Variants in PRKRIP1 observed in about 807,000 individuals in gnomAD.
PRKRIP1 encodes the protein PRKR-interacting protein 1.
A neutral mutation model predicts 29.3 loss-of-function variants in PRKRIP1; 29 were observed. The observed-to-expected ratio is 0.99, with a 90% CI of 0.74 to 1.35. The LOEUF (loss-of-function observed/expected upper bound fraction) is 1.35. Among genes scored for constraint, PRKRIP1 ranks in the 40% most tolerant of loss-of-function variants. PRKRIP1 has a pLI of 0.00. For synonymous variants in PRKRIP1, 90 were observed against 85.1 expected (o/e 1.06, Z -0.32); for missense variants, 247 against 236.8 (o/e 1.04, Z -0.28).
Position 102,425,187 on chromosome 7 carries a change from T to A in PRKRIP1, c.*76T>A. The A allele has an allele frequency of 1.3e-6, 2 of 1,543,700 alleles. No homozygotes were observed. The highest frequency in any genetic ancestry group is 1.7e-6 in the Non-Finnish European group (2 of 1,149,806). ...AGGGAAAGGCGGCTGTTTGGCTCTT[T>A]CTCCCCCGCAAGGACCCGCTGACCC... is the stretch of plus-strand genomic sequence containing the variant. On this transcript the variant is annotated 3_prime_UTR_variant, in exon 6 of 6. Transcript: ENST00000397912.
intron 2 of PRKRIP1, among the ~76,000 whole-genome samples, chr7:102,398,429 C>A (rs1357336007): frequency 6.6e-6 from 1 of 151,974 alleles, no homozygotes; most frequent in African/African-American, 2.4e-5. Flanking sequence ...GGACTACAGG[C>A]CCGTGCCACC....
chr7:102,421,668 A>G (rs1796697030), intron 5 of PRKRIP1, among the ~76,000 whole-genome samples: 1 of 152,088 alleles, frequency 6.6e-6, no homozygotes, highest in Non-Finnish European at 1.5e-5. Context: ...GTAGTGTCAC[A>G]CACCTGTAGT....
intron 5 of PRKRIP1, among the ~76,000 whole-genome samples, chr7:102,420,195 A>G (rs1302817622): frequency 2.0e-5 from 3 of 152,056 alleles, no homozygotes; most frequent in African/African-American, 7.2e-5. Flanking sequence ...CTTGTGTGCT[A>G]GTTTTTGTGT....
chr7:102,405,838 A>G (rs1288233320), intron 4 of PRKRIP1: 5 of 290,488 alleles, frequency 1.7e-5, no homozygotes, highest in African/African-American at 1.1e-4. Context: ...AACCATTACA[A>G]TCAACACATT....
chr7:102,421,103 C>T (rs1554573680), intron 5 of PRKRIP1, among the ~76,000 whole-genome samples: 1 of 152,116 alleles, frequency 6.6e-6, no homozygotes, highest in African/African-American at 2.4e-5. Context: ...CTGCAGATCC[C>T]CTGTGGGTAA....
At position 102,426,023 on chromosome 7, in the gene PRKRIP1, G is replaced by A. The variant is rs1554574407; in HGVS notation, c.*912G>A. On this transcript the variant is annotated 3_prime_UTR_variant, in exon 6 of 6. Transcript: ENST00000397912. Reference sequence around the variant, plus strand: ...GCTCACAGCAGTTGGGGCCAGCGGGGAGAAGAGAGGCGGAACTGCTGTGTC... The same window carrying A: ...GCTCACAGCAGTTGGGGCCAGCGGGAAGAAGAGAGGCGGAACTGCTGTGTC... 6.5e-6 allele frequency: 1 copy of A among 153,104 alleles called. No individual in the cohort carries two copies. The highest frequency in any genetic ancestry group is 1.5e-5 in the Non-Finnish European group (1 of 68,292). The allele number at this position is 153,104 out of a possible 1,614,324, so 9.5% of individuals were successfully genotyped here. A position where few individuals can be genotyped will look rare whatever the true frequency, so the allele number is the denominator to read the frequency against.
chr7:102,398,876 T>G (rs1554570814), intron 2 of PRKRIP1, among the ~76,000 whole-genome samples: 1 of 152,194 alleles, frequency 6.6e-6, no homozygotes, highest in Admixed American at 6.5e-5. Flanking sequence ...GTGCCTGTAA[T>G]CCCAGCACTT....
In PRKRIP1 at chr7:102,396,479, TC is replaced by T; in HGVS notation, c.72del (p.Lys25ArgfsTer15). ...RPKKEPQTLV[I>X]PKNAAEEQKL... ...AAGAAAGAGCCGCAGACGCTCGTCA[TC>T]CCCAAGAATGCGGCGGAGGAGCAGA... is the stretch of plus-strand genomic sequence containing the variant. On this transcript the variant is annotated frameshift_variant, in exon 1 of 6. Transcript: ENST00000397912. LOFTEE classifies it high-confidence loss of function. 6.2e-7 allele frequency: 1 copy of T among 1,609,562 alleles called. No homozygotes were observed. Among genetic ancestry groups the T allele is most frequent in the South Asian group, 1.1e-5 (1 of 90,902 alleles).
In PRKRIP1 at chr7:102,425,419, C is replaced by T. The variant is rs797035030; in HGVS notation, c.*308C>T. The T allele has an allele frequency of 6.4e-5, 26 of 408,422 alleles. No individual in the cohort carries two copies. The highest frequency in any genetic ancestry group is 5.2e-4 in the African/African-American group (25 of 47,760). The allele number at this position is 408,422 out of a possible 1,614,324, so 25.3% of individuals were successfully genotyped here. ...TTGGGGCTGGTTTCTGGGAAGGGAACGTTTATTTAGTAAAGAGCAGAACAC... is the reference window on the plus strand; with the variant it reads ...TTGGGGCTGGTTTCTGGGAAGGGAATGTTTATTTAGTAAAGAGCAGAACAC... On this transcript the variant is annotated 3_prime_UTR_variant, in exon 6 of 6. Transcript: ENST00000397912.
intron 5 of PRKRIP1, among the ~76,000 whole-genome samples, chr7:102,422,415 A>G (rs782460154): frequency 2.7e-5 from 4 of 149,098 alleles, no homozygotes; most frequent in African/African-American, 5.0e-5. Context: ...GCTTGCTGCA[A>G]CCTCCATCCA....
chr7:102,404,578 T>C lies in PRKRIP1; in HGVS notation c.307-20T>C. On this transcript the variant is annotated intron_variant, in intron 3 of 5. Transcript: ENST00000397912. ...CTGCCCAGACCAGAGCGTGTCTAAA[T>C]GATGTGGGTTTTGTTGCAGCAAAAA... The C allele has an allele frequency of 1.9e-6, 3 of 1,606,780 alleles. No homozygotes were observed. The highest frequency in any genetic ancestry group is 2.6e-6 in the Non-Finnish European group (3 of 1,173,780).
intron 1 of PRKRIP1, among the ~76,000 whole-genome samples, chr7:102,396,826 A>G (rs1259812660): frequency 6.6e-6 from 1 of 152,062 alleles, no homozygotes; most frequent in African/African-American, 2.4e-5. Context: ...AAAGCGTTAG[A>G]CTGAAAAGGT....
intron 5 of PRKRIP1, among the ~76,000 whole-genome samples, chr7:102,415,702 T>C (rs1183795138): frequency 6.6e-6 from 1 of 152,242 alleles, no homozygotes; most frequent in Admixed American, 6.5e-5. Flanking sequence ...AGTGGTGCTG[T>C]TATCCCCATT....
At chr7:102,405,254 A>G (rs574906474) in intron 4 of PRKRIP1, among the ~76,000 whole-genome samples, 76 of 152,178 alleles carry the variant, frequency 5.0e-4, no homozygotes, top group Non-Finnish European at 1.0e-3. Flanking sequence ...AGGTGCTGCA[A>G]CCAAACTTCC....
rs1796167734 is a variant in PRKRIP1, at chr7:102,404,806, G to A, written c.392+123G>A. 6 of 648,904 alleles carry A rather than the reference G, an allele frequency of 9.2e-6. No individual in the cohort carries two copies. In the East Asian group the frequency reaches 1.6e-4, roughly 17 times the overall value. The allele number at this position is 648,904 out of a possible 1,614,324, so 40.2% of individuals were successfully genotyped here. A position where few individuals can be genotyped will look rare whatever the true frequency, so the allele number is the denominator to read the frequency against. ...GTAGGGGTCATGAATGTAGAGCAATGACTTCTACTACCTGAGCAGAGAGCA... is the reference window on the plus strand; with the variant it reads ...GTAGGGGTCATGAATGTAGAGCAATAACTTCTACTACCTGAGCAGAGAGCA... On this transcript the variant is annotated intron_variant, in intron 4 of 5. Transcript: ENST00000397912.
chr7:102,407,411 TGTATATG>T lies in PRKRIP1; in HGVS notation c.393-20_393-14del. The T allele has an allele frequency of 6.8e-7, 1 of 1,476,718 alleles. No homozygotes were observed. The highest frequency in any genetic ancestry group is 9.5e-7 in the Non-Finnish European group (1 of 1,055,298). The allele number at this position is 1,476,718 out of a possible 1,614,324, so 91.5% of individuals were successfully genotyped here. Reference sequence around the variant, plus strand: ...TACCATAATGTAGTTAAGGAATCAATGTATATGGTTTTACATTTTTAGCCAGAAGTTA... The same window carrying T: ...TACCATAATGTAGTTAAGGAATCAATGTTTTACATTTTTAGCCAGAAGTTA... On this transcript the variant is annotated splice_polypyrimidine_tract_variant and intron_variant, in intron 4 of 5. Transcript: ENST00000397912.
intron 5 of PRKRIP1, among the ~76,000 whole-genome samples, chr7:102,419,834 T>G (rs1796643508): frequency 6.9e-6 from 1 of 145,328 alleles, no homozygotes; most frequent in Non-Finnish European, 1.5e-5. Context: ...TGCTACTGTT[T>G]TTTTGTGTTT....
intron 5 of PRKRIP1, among the ~76,000 whole-genome samples, chr7:102,419,295 T>C (rs1432203085): frequency 6.6e-6 from 1 of 151,992 alleles, no homozygotes. Context: ...GCACCTGTTA[T>C]CCCAGCTACT....
chr7:102,406,746 ATGT>A lies in PRKRIP1; in HGVS notation c.393-684_393-682del, dbSNP rs375092210. 3.4e-3 allele frequency among the ~76,000 whole-genome samples: 519 copies of A among 152,116 alleles called. 5 individuals are homozygous for A. The highest frequency in any genetic ancestry group is 0.012 in the African/African-American group (501 of 41,490). On this transcript the variant is annotated intron_variant, in intron 4 of 5. Coordinates refer to ENST00000397912, the MANE Select transcript of PRKRIP1 (RefSeq NM_024653.4). ...AGTTCCTGGGCCAAATGCGTTGTTG[ATGT>A]TGTGAGTTGTCTCCACTGCTTTACG...
Sources: allele counts gnomAD v4.1 joint callset (sites outside exome capture counted in the v4.1 genomes callset), GRCh38; gene constraint gnomAD v4.1.1; transcripts MANE v1.5; gene names NCBI Gene and HGNC (gene_info 2026-07-23, HGNC 2026-07-21).